The following NHSL2 variants were observed in gnomAD, a reference collection of about 807,000 sequenced individuals.
NHSL2 encodes NHS-like protein 2.
NHSL2 carries 27 observed loss-of-function variants against 53.4 expected under a neutral mutation model. That is an observed-to-expected ratio of 0.51 (90% confidence interval 0.37 to 0.70). The LOEUF is 0.70. NHSL2 is among the 30% of genes least tolerant of loss of function. NHSL2 has a pLI of 0.00. For synonymous variants in NHSL2, 408 were observed against 404.1 expected (o/e 1.01, Z -0.12); for missense variants, 892 against 980.1 (o/e 0.91, Z 1.20).
At chrX:72,101,197 G>A (rs1569480147) in intron 1 of NHSL2, among the ~76,000 whole-genome samples, 1 of 110,984 alleles carries the variant, frequency 9.0e-6, no homozygotes, top group Non-Finnish European at 1.9e-5. Flanking sequence ...GTGCTCCTGG[G>A]CGGCAGTGGT....
intron 1 of NHSL2, among the ~76,000 whole-genome samples, chrX:72,074,285 C>A (rs1025528114): frequency 8.9e-6 from 1 of 112,653 alleles, no homozygotes. Context: ...GCTCTTTCAT[C>A]TTCACAAGTT....
At chrX:71,918,665 T>C (rs1394446186) in intron 1 of NHSL2, among the ~76,000 whole-genome samples, 4 of 112,023 alleles carry the variant, frequency 3.6e-5, no homozygotes, top group Non-Finnish European at 7.5e-5. Context: ...AAGACAGGCC[T>C]TGTTGTTATA....
chrX:72,032,019 T>G (rs1340981440), intron 1 of NHSL2, among the ~76,000 whole-genome samples: 2 of 111,220 alleles, frequency 1.8e-5, no homozygotes, highest in Non-Finnish European at 3.8e-5. Flanking sequence ...TCAAACAATT[T>G]TATCACATGT....
At chrX:71,983,370 C>T (rs1420609258) in intron 1 of NHSL2, among the ~76,000 whole-genome samples, 7 of 110,803 alleles carry the variant, frequency 6.3e-5, no homozygotes, top group African/African-American at 2.0e-4. Flanking sequence ...TTTGGGAGGC[C>T]GAAGTGGGAG....
At chrX:72,069,991 G>A (rs2042457700) in intron 1 of NHSL2, among the ~76,000 whole-genome samples, 1 of 112,398 alleles carries the variant, frequency 8.9e-6, no homozygotes, top group Admixed American at 9.3e-5. Flanking sequence ...ACCCTGTGTA[G>A]CCTCTGGAGG....
At chrX:72,070,337 G>A (rs1285140560) in intron 1 of NHSL2, among the ~76,000 whole-genome samples, 1 of 110,722 alleles carries the variant, frequency 9.0e-6, no homozygotes, top group Non-Finnish European at 1.9e-5. Flanking sequence ...GGCGAGAAGA[G>A]CATTTGCCGG....
chrX:72,017,202 G>T (rs1199446340), intron 1 of NHSL2, among the ~76,000 whole-genome samples: 1 of 112,400 alleles, frequency 8.9e-6, no homozygotes, highest in Non-Finnish European at 1.9e-5. Context: ...AGACCAAATT[G>T]TGGGTTCAGA....
At chrX:72,142,099 A>G (rs12863648) in intron 6 of NHSL2, 133 bp from the exon 7 acceptor site, 27,378 of 444,604 alleles carry the variant, frequency 0.062, 1,325 homozygotes, top group South Asian at 0.24. Context: ...CCTCTGCAAA[A>G]TGGAGGTATT....
chrX:72,141,703 T>C (rs1424643228), intron 6 of NHSL2, among the ~76,000 whole-genome samples: 2 of 112,550 alleles, frequency 1.8e-5, no homozygotes, highest in Non-Finnish European at 3.7e-5. Flanking sequence ...CATCCATGTT[T>C]CTCATTCTTT....
intron 1 of NHSL2, among the ~76,000 whole-genome samples, chrX:71,979,016 G>GT (rs1220140289): frequency 9.5e-6 from 1 of 105,727 alleles, no homozygotes; most frequent in African/African-American, 3.5e-5. Context: ...GCGGTGTTTG[G>GT]TTTTTTGTCC....
chrX:72,120,481 C>T (rs766334095), intron 1 of NHSL2, among the ~76,000 whole-genome samples: 6 of 112,285 alleles, frequency 5.3e-5, no homozygotes, highest in Non-Finnish European at 1.1e-4. Context: ...TAGTGTCATA[C>T]AGTTGTTCAT....
intron 1 of NHSL2, among the ~76,000 whole-genome samples, chrX:71,993,530 C>T (rs4986609): frequency 0.26 from 28,385 of 110,838 alleles, 4,325 homozygotes; most frequent in African/African-American, 0.56. Flanking sequence ...CCTGGAGGGT[C>T]TGAGGTAGAC....
intron 4 of NHSL2, 77 bp downstream of exon 4, chrX:72,134,781 T>C (rs749517089): frequency 5.3e-6 from 4 of 748,247 alleles, no homozygotes; most frequent in South Asian, 5.2e-5. Context: ...CACTGGGTAT[T>C]GGGGGAGGGA....
intron 1 of NHSL2, among the ~76,000 whole-genome samples, chrX:72,049,490 G>A (rs751120973): frequency 1.5e-3 from 166 of 110,642 alleles, no homozygotes; most frequent in Middle Eastern, 9.1e-3. Context: ...CCAGTGCCCG[G>A]AGTGGGTGAG....
At chrX:72,142,704 G>A (rs1227799666) in intron 7 of NHSL2, among the ~76,000 whole-genome samples, 1 of 111,207 alleles carries the variant, frequency 9.0e-6, no homozygotes, top group Non-Finnish European at 1.9e-5. Flanking sequence ...CTCTCTCTTA[G>A]CTCTGTCTAT....
chrX:72,069,483 G>A (rs1018742814), intron 1 of NHSL2, among the ~76,000 whole-genome samples: 3 of 111,500 alleles, frequency 2.7e-5, no homozygotes, highest in African/African-American at 9.8e-5. Context: ...CCAAGTGAGA[G>A]GCTCAGATCT....
intron 1 of NHSL2, among the ~76,000 whole-genome samples, chrX:71,940,276 G>A (rs1308746313): frequency 8.9e-6 from 1 of 112,368 alleles, no homozygotes; most frequent in Non-Finnish European, 1.9e-5. Context: ...AACAATGGGA[G>A]TTAGCTACGA....
At chrX:72,093,543 T>G (rs1411457596) in intron 1 of NHSL2, among the ~76,000 whole-genome samples, 1 of 112,297 alleles carries the variant, frequency 8.9e-6, no homozygotes, top group African/African-American at 3.2e-5. Flanking sequence ...GCCTGCTTCC[T>G]TCCAAAGTCC....
chrX:72,034,274 A>G (rs1375391450), intron 1 of NHSL2, among the ~76,000 whole-genome samples: 1 of 112,275 alleles, frequency 8.9e-6, no homozygotes, highest in Non-Finnish European at 1.9e-5. Flanking sequence ...CACTAGAGTA[A>G]AATACCCACT....
Sources: allele counts gnomAD v4.1 joint callset (sites outside exome capture counted in the v4.1 genomes callset), GRCh38; gene constraint gnomAD v4.1.1; transcripts MANE v1.5; gene names NCBI Gene and HGNC (gene_info 2026-07-23, HGNC 2026-07-21).